RBM39: variants seen among roughly 807,000 people sequenced by gnomAD.
The protein encoded by RBM39 is RNA-binding protein 39.
A neutral mutation model predicts 79.6 loss-of-function variants in RBM39; 12 were observed. That is an observed-to-expected ratio of 0.15 (90% CI 0.10 to 0.24). RBM39 has a LOEUF of 0.24. Ranked by LOEUF, RBM39 falls within the 10% of genes least tolerant of loss-of-function variation. RBM39 has a pLI of 1.00. For missense variants in RBM39, 243 were observed against 653.4 expected, an observed-to-expected ratio of 0.37 and a Z score of 6.85; for synonymous variants, 185 against 208.4, an observed-to-expected ratio of 0.89 and a Z score of 0.97.
chr20:35,711,145 T>TA (rs1300429870), intron 12 of RBM39, among the ~76,000 whole-genome samples: 2 of 152,170 alleles, frequency 1.3e-5, no homozygotes, highest in Non-Finnish European at 2.9e-5. Flanking sequence ...AAATTGTCTA[T>TA]AAATGACCCC....
intron 6 of RBM39, 127 bp from the exon 7 acceptor site, chr20:35,725,282 T>C: frequency 1.6e-6 from 1 of 606,952 alleles, no homozygotes; most frequent in Non-Finnish European, 2.9e-6. Flanking sequence ...ATAGATGAGT[T>C]CTTTAATGGT....
chr20:35,705,489 T>C (rs898186890), intron 14 of RBM39, 159 bp from the exon 15 acceptor site: 2 of 531,366 alleles, frequency 3.8e-6, no homozygotes, highest in African/African-American at 4.1e-5. Flanking sequence ...CACTGCAGTC[T>C]GGTATTGAAA....
Position 35,707,067 on chromosome 20 carries a change from C to G in RBM39, c.1307+53G>C, listed in dbSNP as rs1304972190. ...AAAAAAAAAAGAGAAATATATAAAA[C>G]AACTCTATTGACGCCTTGATAGGAA... On this transcript the variant is annotated intron_variant, in intron 14 of 16. Coordinates refer to ENST00000253363, the MANE Select transcript of RBM39 (RefSeq NM_184234.3). 1.6e-5 allele frequency: 6 copies of G among 381,604 alleles called. No individual in the cohort carries two copies. In the South Asian group the frequency reaches 1.7e-4, roughly 11 times the overall value. 23.6% of individuals were successfully genotyped at this position (381,604 alleles called of 1,614,324 possible).
intron 8 of RBM39, among the ~76,000 whole-genome samples, chr20:35,723,005 G>C (rs1255792645): frequency 6.6e-6 from 1 of 151,278 alleles, no homozygotes; most frequent in Non-Finnish European, 1.5e-5. Context: ...CTACATTCTT[G>C]ACAACAATCT....
intron 13 of RBM39, among the ~76,000 whole-genome samples, chr20:35,708,609 T>TA (rs1195063134): frequency 1.2e-4 from 19 of 152,228 alleles, no homozygotes; most frequent in Admixed American, 1.2e-3. Flanking sequence ...AGCATACTCC[T>TA]ACAAAAGATA....
chr20:35,725,729 C>T (rs1222720316), intron 6 of RBM39, among the ~76,000 whole-genome samples: 2 of 147,208 alleles, frequency 1.4e-5, no homozygotes, highest in Admixed American at 1.4e-4. Context: ...ACGGCGCCAT[C>T]TTGGCTCACC....
At chr20:35,736,550 T>TA (rs1364756180) in intron 3 of RBM39, 5 of 470,754 alleles carry the variant, frequency 1.1e-5, no homozygotes, top group Non-Finnish European at 2.2e-5. Flanking sequence ...ACATACTTAC[T>TA]ATGAAGCATT....
intron 9 of RBM39, among the ~76,000 whole-genome samples, chr20:35,718,079 T>C (rs1465455661): frequency 6.6e-6 from 1 of 152,084 alleles, no homozygotes; most frequent in Admixed American, 6.5e-5. Flanking sequence ...CAGGATGGTC[T>C]TGATCTCCTG....
chr20:35,731,683 T>C (rs558036901), intron 4 of RBM39: 2 of 494,168 alleles, frequency 4.0e-6, no homozygotes, highest in South Asian at 2.6e-5. Context: ...CCAGTTTGCG[T>C]TGACTGGCAT....
At chr20:35,736,640 C>A (rs1047145038) in intron 3 of RBM39, 1 of 462,478 alleles carries the variant, frequency 2.2e-6, no homozygotes, top group Non-Finnish European at 4.5e-6. Flanking sequence ...AACATAAGGT[C>A]GTAAGTATGA....
intron 3 of RBM39, chr20:35,734,045 G>A (rs1445957298): frequency 3.7e-6 from 1 of 269,512 alleles, no homozygotes; most frequent in Non-Finnish European, 7.5e-6. Flanking sequence ...TGACAATTCT[G>A]TATCATTATC....
chr20:35,736,517 C>T (rs1186448869), intron 3 of RBM39: 2 of 464,962 alleles, frequency 4.3e-6, no homozygotes, highest in Non-Finnish European at 8.9e-6. Context: ...ACCTACCTAA[C>T]ACAGTTGTAG....
intron 3 of RBM39, among the ~76,000 whole-genome samples, chr20:35,733,047 A>C (rs1230313828): frequency 6.6e-6 from 1 of 152,216 alleles, no homozygotes; most frequent in African/African-American, 2.4e-5. Context: ...TCACGCCTGT[A>C]ATCCCAACCC....
intron 6 of RBM39, among the ~76,000 whole-genome samples, chr20:35,726,351 T>C (rs1046480297): frequency 1.3e-5 from 2 of 151,090 alleles, no homozygotes; most frequent in African/African-American, 4.9e-5. Flanking sequence ...CAGGATGGTC[T>C]TGATCTCCTG....
intron 3 of RBM39, among the ~76,000 whole-genome samples, chr20:35,733,441 C>G (rs1329989029): frequency 1.3e-5 from 2 of 152,012 alleles, no homozygotes; most frequent in African/African-American, 2.4e-5. Context: ...AAACCCATCT[C>G]TACTAAAAAA....
chr20:35,740,444 A>G (rs2040396115), intron 2 of RBM39: 1 of 842,022 alleles, frequency 1.2e-6, no homozygotes, highest in East Asian at 6.3e-5. Flanking sequence ...TTTTTGCTAT[A>G]CCAAACTGGA....
chr20:35,714,395 T>C lies in RBM39; in HGVS notation c.892-6A>G. ...GCACATTCTGAGTCAGAAAACTACATGATAGGGGAGGCAAGGACAGGAGAC... is the reference window on the plus strand; with the variant it reads ...GCACATTCTGAGTCAGAAAACTACACGATAGGGGAGGCAAGGACAGGAGAC... On this transcript the variant is annotated splice_polypyrimidine_tract_variant and splice_region_variant and intron_variant, in intron 10 of 16. Transcript: ENST00000253363. 4 of 1,613,374 alleles carry C rather than the reference T, an allele frequency of 2.5e-6. No individual in the cohort carries two copies. Among genetic ancestry groups the C allele is most frequent in the Non-Finnish European group, 3.4e-6 (4 of 1,179,472 alleles).
At chr20:35,727,241 CGGGAG>C (rs2038826873) in intron 6 of RBM39, among the ~76,000 whole-genome samples, 1 of 151,738 alleles carries the variant, frequency 6.6e-6, no homozygotes, top group Non-Finnish European at 1.5e-5. Context: ...CCCAGCTACT[CGGGAG>C]GCTAACCTGG....
chr20:35,730,079 A>T (rs911131557), intron 4 of RBM39, among the ~76,000 whole-genome samples: 2 of 152,186 alleles, frequency 1.3e-5, no homozygotes, highest in African/African-American at 4.8e-5. Context: ...CCCATTCACC[A>T]GTAACTCTTA....
Sources: gnomAD v4.1 joint callset for allele counts (sites outside exome capture counted in the v4.1 genomes callset) on GRCh38, gnomAD v4.1.1 for gene constraint, MANE v1.5 for transcripts, NCBI Gene and HGNC (gene_info 2026-07-23, HGNC 2026-07-21) for gene names.